Variants in TASOR2 observed in about 807,000 individuals in gnomAD.
TASOR2 encodes the protein protein TASOR 2.
Under a neutral mutation model 199.5 loss-of-function variants are expected in TASOR2, and 84 were observed. The ratio of observed to expected loss-of-function variants is 0.42; its 90% CI spans 0.35 to 0.50. The LOEUF is 0.50. Among genes scored for constraint, TASOR2 ranks in the 20% least tolerant of loss-of-function variants. TASOR2 has a pLI of 0.02. For missense variants in TASOR2, 2,796 were observed against 2,835.9 expected, an observed-to-expected ratio of 0.99 and a Z score of 0.32; for synonymous variants, 1,103 against 1,046.6, an observed-to-expected ratio of 1.05 and a Z score of -1.04.
chr10:5,740,400 A>G lies in TASOR2; in HGVS notation c.2230A>G (p.Lys744Glu). ...AGTGCTTAGCTGTGATGACTCCGTT[A>G]AGATCACTTTCAAATGTGAAACAGA... is the stretch of plus-strand genomic sequence containing the variant. The change falls in exon 13 of 21, where the codon AAG (lysine) becomes GAG (glutamate). Residue 744 changes from lysine to glutamate, a missense_variant. By Grantham distance (56) the Lys-to-Glu change is moderately conservative. Coordinates refer to ENST00000328090, the Ensembl canonical transcript of TASOR2. The surrounding 1 kb of genome is among the most constrained non-coding windows in gnomAD (Gnocchi z 5.3). 2 of 1,614,218 alleles carry G rather than the reference A, an allele frequency of 1.2e-6. No individual in the cohort carries two copies. Among genetic ancestry groups the G allele is most frequent in the Non-Finnish European group, 1.7e-6 (2 of 1,180,044 alleles).
chr10:5,735,728 G>A (rs1835480143), intron 12 of TASOR2, among the ~76,000 whole-genome samples, 182 bp downstream of exon 13: 1 of 151,936 alleles, frequency 6.6e-6, no homozygotes. Flanking sequence ...AATTAGGAAG[G>A]TACAAAAGCT....
exon 18 of TASOR2, chr10:5,758,905 T>C (rs754467056): frequency 1.9e-6 from 3 of 1,613,344 alleles, no homozygotes; most frequent in Non-Finnish European, 1.7e-6. Context: ...AAGGAAATTA[T>C]CAAAATCCTG....
intron 1 of TASOR2, chr10:5,712,333 TC>T: frequency 5.2e-6 from 6 of 1,162,452 alleles, no homozygotes; most frequent in Non-Finnish European, 6.5e-6. Context: ...TCAGTGTGTC[TC>T]CCTTAACCCC....
chr10:5,686,092 T>G (rs1162561680), intron 1 of TASOR2, among the ~76,000 whole-genome samples: 1 of 152,160 alleles, frequency 6.6e-6, no homozygotes, highest in Non-Finnish European at 1.5e-5. Context: ...AAAAACTGCC[T>G]TATAGGAATG....
rs1255638309 is a variant in TASOR2 at position 5,740,240 on chromosome 10, C to T, written c.2070C>T (p.Thr690=). The T allele has an allele frequency of 1.9e-6, 3 of 1,614,040 alleles. No homozygotes were observed. The African/African-American group carries it at 4.0e-5, about 22-fold the overall frequency. The change falls in exon 13 of 21, where the codon ACC becomes ACT. Residue 690 remains threonine, a synonymous_variant. Coordinates refer to ENST00000328090, the Ensembl canonical transcript of TASOR2. This position sits in a 1 kb window ranked among gnomAD's most constrained non-coding sequence, Gnocchi z 5.3. ...GGACAAAAAGCCCTGAAGCAGCAAC[C>T]CCAGTGGGGAAAGTCATGCCATTTC...
intron 1 of TASOR2, among the ~76,000 whole-genome samples, chr10:5,693,246 G>A (rs1836697951): frequency 6.6e-6 from 1 of 152,234 alleles, no homozygotes; most frequent in African/African-American, 2.4e-5. Flanking sequence ...AACCGCCAGA[G>A]AGACGGTGCT....
At chr10:5,709,633 A>G (rs967487287) in intron 1 of TASOR2, 32 of 1,231,106 alleles carry the variant, frequency 2.6e-5, no homozygotes, top group Non-Finnish European at 3.2e-5. Flanking sequence ...TCTCTTAGAG[A>G]AGATCGAGAC....
At chr10:5,692,906 A>C (rs2386621) in intron 1 of TASOR2, 149,647 of 152,350 alleles carry the variant, frequency 0.98, 73,509 homozygotes, top group East Asian at 1. Context: ...CACCCTCCCC[A>C]ACACACCATG....
Position 5,737,209 on chromosome 10 carries a change from G to T in TASOR2, c.1447+1663G>T, listed in dbSNP as rs947295489. Among the ~76,000 whole-genome samples the T allele has an allele frequency of 6.6e-6, 1 of 151,654 alleles. No individual in the cohort carries two copies. Among genetic ancestry groups the T allele is most frequent in the African/African-American group, 2.4e-5 (1 of 41,252 alleles). Reference sequence around the variant, plus strand: ...TCTTGACCTCTTGACCTCATGCTCTGCCTGCCTCGGCCTCCCAAAGTGCTG... The same window carrying T: ...TCTTGACCTCTTGACCTCATGCTCTTCCTGCCTCGGCCTCCCAAAGTGCTG... On this transcript the variant is annotated intron_variant, in intron 12 of 20. Transcript: ENST00000328090. This position sits in a 1 kb window ranked among gnomAD's most constrained non-coding sequence, Gnocchi z 4.9.
At chr10:5,716,028 A>G (rs1006230897) in intron 2 of TASOR2, among the ~76,000 whole-genome samples, 1 of 152,238 alleles carries the variant, frequency 6.6e-6, no homozygotes, top group Non-Finnish European at 1.5e-5. Context: ...TGTATGGTGT[A>G]GCCTATTGCC....
At chr10:5,736,687 C>T (rs1835652388) in intron 12 of TASOR2, among the ~76,000 whole-genome samples, 2 of 152,150 alleles carry the variant, frequency 1.3e-5, no homozygotes, top group Non-Finnish European at 2.9e-5. Context: ...CTAGATATAA[C>T]CTCTGTACTA....
chr10:5,695,931 GTTGATGGTC>G (rs1435280526), intron 1 of TASOR2, among the ~76,000 whole-genome samples: 3 of 152,130 alleles, frequency 2.0e-5, no homozygotes, highest in African/African-American at 7.2e-5. Flanking sequence ...AGAAGGGTTG[GTTGATGGTC>G]TTTATCATTT....
chr10:5,763,086 C>G, exon 21 of TASOR2: 1 of 1,587,312 alleles, frequency 6.3e-7, no homozygotes, highest in Non-Finnish European at 8.6e-7. Flanking sequence ...TTAGTATTTT[C>G]CCTTTGGAAA....
At position 5,698,926 on chromosome 10, in the gene TASOR2, T is replaced by G. The variant is rs56254903; in HGVS notation, c.-288+13751T>G. 0.028 allele frequency among the ~76,000 whole-genome samples: 4,294 copies of G among 152,252 alleles called. 112 individuals are homozygous for G. The highest frequency in any genetic ancestry group is 0.074 in the African/African-American group (3,075 of 41,544). On this transcript the variant is annotated intron_variant, in intron 1 of 20. Coordinates refer to ENST00000328090, the Ensembl canonical transcript of TASOR2. The surrounding 1 kb of genome is among the most constrained non-coding windows in gnomAD (Gnocchi z 4.4). Reference sequence around the variant, plus strand: ...GCCACTTTGAAATCAGCCTGGCAGTTTCTCAGATGAGCAGACACAGATTTA... The same window carrying G: ...GCCACTTTGAAATCAGCCTGGCAGTGTCTCAGATGAGCAGACACAGATTTA...
intron 1 of TASOR2, among the ~76,000 whole-genome samples, chr10:5,702,634 CAT>C (rs1268956997): frequency 4.2e-5 from 4 of 96,282 alleles, no homozygotes; most frequent in African/African-American, 1.6e-4. Context: ...CTAAAATGGT[CAT>C]TTTTTTTTTT....
rs185162415 is a variant in TASOR2, at chr10:5,716,008, A to G, written c.-191-1651A>G. On this transcript the variant is annotated intron_variant, in intron 2 of 20. Transcript: ENST00000328090. ...ACACCTAGAGGGCATAGCCTACTACACACCTAGGCTGTATGGTGTAGCCTA... is the reference window on the plus strand; with the variant it reads ...ACACCTAGAGGGCATAGCCTACTACGCACCTAGGCTGTATGGTGTAGCCTA... Among the ~76,000 whole-genome samples, 10 of 152,298 alleles carry G rather than the reference A, an allele frequency of 6.6e-5. No homozygotes were observed. In the East Asian group the frequency reaches 1.9e-3, roughly 29 times the overall value.
In TASOR2 at chr10:5,687,300, T is replaced by G. The variant is rs1835911936; in HGVS notation, c.-288+2125T>G. ...ACCCTGGCCATTATTAATTTTGTGTTAATTATTCCCTTGCCTTTTTAAACA... is the reference window on the plus strand; with the variant it reads ...ACCCTGGCCATTATTAATTTTGTGTGAATTATTCCCTTGCCTTTTTAAACA... On this transcript the variant is annotated intron_variant, in intron 1 of 20. Transcript: ENST00000328090. The surrounding 1 kb of genome is among the most constrained non-coding windows in gnomAD (Gnocchi z 4.8). 6.6e-6 allele frequency among the ~76,000 whole-genome samples: 1 copy of G among 152,250 alleles called. No individual in the cohort carries two copies. Among genetic ancestry groups the G allele is most frequent in the Admixed American group, 6.5e-5 (1 of 15,290 alleles).
intron 1 of TASOR2, among the ~76,000 whole-genome samples, chr10:5,711,146 T>G (rs1831855890): frequency 6.6e-6 from 1 of 152,148 alleles, no homozygotes; most frequent in South Asian, 2.1e-4. Flanking sequence ...TTTCATTCTT[T>G]TCTATTTACA....
chr10:5,733,989 G>T (rs1291760047), intron 11 of TASOR2, among the ~76,000 whole-genome samples: 1 of 152,130 alleles, frequency 6.6e-6, no homozygotes, highest in African/African-American at 2.4e-5. Flanking sequence ...ACCCCCAAAA[G>T]AATGAAATGA....
Sources: allele counts gnomAD v4.1 joint callset (sites outside exome capture counted in the v4.1 genomes callset), GRCh38; gene constraint gnomAD v4.1.1; non-coding constraint Gnocchi (gnomAD v3.1); transcripts MANE v1.5; gene names NCBI Gene and HGNC (gene_info 2026-07-23, HGNC 2026-07-21).